Variants in ZNF618 observed in about 807,000 individuals in gnomAD.
ZNF618 encodes neural precursor cell expressed, developmentally down-regulated 10.
Under a neutral mutation model 103.0 loss-of-function variants are expected in ZNF618, and 34 were observed. That is an observed-to-expected ratio of 0.33 (90% confidence interval 0.25 to 0.44). The LOEUF (loss-of-function observed/expected upper bound fraction) is 0.44. Among genes scored for constraint, ZNF618 ranks in the 20% least tolerant of loss-of-function variants. The pLI is 1.00. For synonymous variants in ZNF618, 551 were observed against 542.2 expected (o/e 1.02, Z -0.23); for missense variants, 1,059 against 1,295.4 (o/e 0.82, Z 2.80).
intron 10 of ZNF618, among the ~76,000 whole-genome samples, chr9:114,022,359 T>C (rs1437643505): frequency 1.3e-5 from 2 of 152,210 alleles, no homozygotes; most frequent in East Asian, 3.9e-4. Context: ...GTAAGTATTC[T>C]ATACAATTCA....
chr9:113,925,781 C>T (rs1302814908), intron 1 of ZNF618, among the ~76,000 whole-genome samples: 1 of 152,134 alleles, frequency 6.6e-6, no homozygotes, highest in Non-Finnish European at 1.5e-5. Flanking sequence ...TATCTTATAA[C>T]AGAGTAGTCC....
chr9:114,010,653 G>A (rs1171055923), intron 9 of ZNF618, among the ~76,000 whole-genome samples: 1 of 152,188 alleles, frequency 6.6e-6, no homozygotes, highest in Admixed American at 6.5e-5. Context: ...GCAGTGAGCC[G>A]AGATTGCACC....
At chr9:114,036,275 G>C in intron 12 of ZNF618, 25 bp from the exon 13 acceptor site, 1 of 1,556,454 alleles carries the variant, frequency 6.4e-7, no homozygotes, top group Non-Finnish European at 8.7e-7. Flanking sequence ...CACCCCTCAC[G>C]TGGCTGCCGC....
chr9:113,904,113 G>T (rs938680867), intron 1 of ZNF618, among the ~76,000 whole-genome samples: 2 of 125,974 alleles, frequency 1.6e-5, no homozygotes, highest in East Asian at 2.3e-4. Flanking sequence ...TTATTTTTCT[G>T]TTTCATTGTT....
chr9:113,986,984 GAGTCCC>G (rs1839548125), intron 2 of ZNF618, among the ~76,000 whole-genome samples: 1 of 152,208 alleles, frequency 6.6e-6, no homozygotes, highest in Non-Finnish European at 1.5e-5. Flanking sequence ...CTGGGTCCCT[GAGTCCC>G]AGTCCAGTGG....
intron 10 of ZNF618, among the ~76,000 whole-genome samples, chr9:114,023,237 C>A (rs1337285429): frequency 6.6e-6 from 1 of 151,842 alleles, no homozygotes; most frequent in Admixed American, 6.6e-5. Flanking sequence ...TAGTATTAAT[C>A]AAGTATTTTT....
In ZNF618 at chr9:114,007,439, G is replaced by A. The variant is rs754511579; in HGVS notation, c.640G>A (p.Val214Met). 6.2e-7 allele frequency: 1 copy of A among 1,612,910 alleles called. No individual in the cohort carries two copies. ...QEHRDLHAVD[V>M]FSVEGAPENR... ...GCACCGAGACCTGCACGCAGTGGAT[G>A]GTGAGTCAGGCCCCTCACTCCCTGG... Residue 214 changes from valine to methionine, a missense_variant and splice_region_variant, in exon 7 of 15, where the codon GTG becomes ATG. By Grantham distance (21) the Val-to-Met change is conservative. Coordinates refer to ENST00000374126, the MANE Select transcript of ZNF618 (RefSeq NM_001318042.2).
chr9:113,910,425 A>G (rs1831428614), intron 1 of ZNF618, among the ~76,000 whole-genome samples: 1 of 152,178 alleles, frequency 6.6e-6, no homozygotes, highest in Non-Finnish European at 1.5e-5. Flanking sequence ...GCAGCCCAGC[A>G]TCAGCTTCCG....
chr9:113,919,053 C>A (rs1444333827), intron 1 of ZNF618, among the ~76,000 whole-genome samples: 2 of 152,188 alleles, frequency 1.3e-5, no homozygotes, highest in African/African-American at 4.8e-5. Flanking sequence ...GGCTTTCCCT[C>A]ATCTCCTCAC....
chr9:113,939,002 A>T (rs940640494), intron 1 of ZNF618, among the ~76,000 whole-genome samples: 3 of 149,360 alleles, frequency 2.0e-5, no homozygotes, highest in Non-Finnish European at 4.5e-5. Context: ...ATTCTCTTGG[A>T]TTTTTTTTTT....
intron 1 of ZNF618, among the ~76,000 whole-genome samples, chr9:113,949,064 G>A (rs1024123784): frequency 2.0e-4 from 31 of 152,300 alleles, no homozygotes; most frequent in African/African-American, 7.0e-4. Flanking sequence ...ATGTCTTCCC[G>A]GTCATCAGTC....
At chr9:114,022,269 G>T (rs1843137933) in intron 10 of ZNF618, among the ~76,000 whole-genome samples, 1 of 151,948 alleles carries the variant, frequency 6.6e-6, no homozygotes, top group Admixed American at 6.5e-5. Context: ...TCAGAGTATT[G>T]CAGGCCTCAT....
At chr9:113,891,257 G>A (rs1241570090) in intron 1 of ZNF618, among the ~76,000 whole-genome samples, 1 of 152,182 alleles carries the variant, frequency 6.6e-6, no homozygotes, top group African/African-American at 2.4e-5. Flanking sequence ...TATTTGGTAA[G>A]GGGTTAATAT....
chr9:114,044,305 C>CT (rs1187003579), intron 13 of ZNF618, among the ~76,000 whole-genome samples: 2 of 152,136 alleles, frequency 1.3e-5, no homozygotes, highest in East Asian at 3.9e-4. Flanking sequence ...ATAGGGTGTC[C>CT]TTTCCCCACT....
intron 3 of ZNF618, among the ~76,000 whole-genome samples, chr9:113,994,718 G>T (rs1441620845): frequency 6.6e-6 from 1 of 152,186 alleles, no homozygotes; most frequent in East Asian, 1.9e-4. Context: ...ACTGCTATTA[G>T]CTGGAACCTC....
At chr9:113,972,815 C>T (rs1032608863) in intron 2 of ZNF618, among the ~76,000 whole-genome samples, 2 of 152,096 alleles carry the variant, frequency 1.3e-5, no homozygotes, top group African/African-American at 4.8e-5. Context: ...CCCTGTAACC[C>T]CAGTACTTTG....
Position 113,971,054 on chromosome 9 carries a change from T to C in ZNF618, c.77+1894T>C, listed in dbSNP as rs146002844. On this transcript the variant is annotated intron_variant, in intron 2 of 14. Coordinates refer to ENST00000374126, the MANE Select transcript of ZNF618 (RefSeq NM_001318042.2). ...GACGGTGCACTTAGGCCTGTGGTCA[T>C]TGGGGGTGACCCAAGTAGCCAGCAG... Among the ~76,000 whole-genome samples, 938 of 150,230 alleles carry C rather than the reference T, an allele frequency of 6.2e-3. 3 individuals are homozygous for C. Among genetic ancestry groups the C allele is most frequent in the South Asian group, 0.028 (130 of 4,584 alleles).
rs565830439 is a variant in ZNF618 at position 113,888,370 on chromosome 9, C to T, written c.33+11957C>T. Among the ~76,000 whole-genome samples the T allele has an allele frequency of 7.9e-5, 12 of 152,370 alleles. No homozygotes were observed. The South Asian group carries it at 2.3e-3, about 29-fold the overall frequency. ...GGGTCTGGGACTCCCTGGCTTTCAG[C>T]CCCCAGCTCCCCATGAGCCTCAGCA... On this transcript the variant is annotated intron_variant, in intron 1 of 14. Coordinates refer to ENST00000374126, the MANE Select transcript of ZNF618 (RefSeq NM_001318042.2).
chr9:113,997,631 G>A (rs1223477230), intron 3 of ZNF618, among the ~76,000 whole-genome samples: 1 of 152,230 alleles, frequency 6.6e-6, no homozygotes, highest in East Asian at 1.9e-4. Flanking sequence ...CATGAACTGG[G>A]CGAAATGCTG....
Sources: gnomAD v4.1 joint callset for allele counts (sites outside exome capture counted in the v4.1 genomes callset) on GRCh38, gnomAD v4.1.1 for gene constraint, MANE v1.5 for transcripts, NCBI Gene and HGNC (gene_info 2026-07-23, HGNC 2026-07-21) for gene names.